The following GPC6 variants were observed in gnomAD, a reference collection of about 807,000 sequenced individuals.
GPC6 encodes glypican-6.
Under a neutral mutation model 55.2 loss-of-function variants are expected in GPC6, and 14 were observed. That is an observed-to-expected ratio of 0.25 (90% CI 0.17 to 0.40). The LOEUF (loss-of-function observed/expected upper bound fraction) is 0.40, where lower values mean the gene tolerates loss of function less well. Among genes scored for constraint, GPC6 ranks in the 10% least tolerant of loss-of-function variants. The probability of loss-of-function intolerance (pLI) is 1.00; values close to 1 mark genes in which losing one functional copy is unlikely to be tolerated. For missense variants in GPC6, 641 were observed against 708.5 expected (o/e 0.90, Z 1.08); for synonymous variants, 278 against 259.6 (o/e 1.07, Z -0.68).
At chr13:93,758,988 C>CT (rs1193802555) in intron 2 of GPC6, among the ~76,000 whole-genome samples, 6 of 152,084 alleles carry the variant, frequency 3.9e-5, no homozygotes, top group Non-Finnish European at 8.8e-5. Flanking sequence ...TTTCCGTTCT[C>CT]TTTTTGCATT....
At chr13:93,881,176 G>A (rs1007550522) in intron 3 of GPC6, among the ~76,000 whole-genome samples, 4 of 151,912 alleles carry the variant, frequency 2.6e-5, no homozygotes, top group African/African-American at 9.7e-5. Flanking sequence ...GCTGGTGTGG[G>A]GTGCACTGGT....
At chr13:93,362,236 G>C (rs1178404512) in intron 1 of GPC6, among the ~76,000 whole-genome samples, 1 of 152,168 alleles carries the variant, frequency 6.6e-6, no homozygotes, top group Non-Finnish European at 1.5e-5. Context: ...TCTCTGCCCA[G>C]TTCTTCCTGG....
intron 1 of GPC6, among the ~76,000 whole-genome samples, chr13:93,430,044 C>T (rs1877299309): frequency 6.6e-6 from 1 of 152,092 alleles, no homozygotes; most frequent in Non-Finnish European, 1.5e-5. Context: ...AGGGCAAAGG[C>T]TGCAGTCAAG....
chr13:93,484,791 C>T (rs1879640916), intron 1 of GPC6, among the ~76,000 whole-genome samples: 1 of 152,064 alleles, frequency 6.6e-6, no homozygotes, highest in Non-Finnish European at 1.5e-5. Flanking sequence ...TTTGTCAATT[C>T]TGTGTTAGCG....
At chr13:93,860,187 A>G (rs890122171) in intron 3 of GPC6, among the ~76,000 whole-genome samples, 1 of 151,632 alleles carries the variant, frequency 6.6e-6, no homozygotes, top group African/African-American at 2.4e-5. Context: ...TTCTTAAGCA[A>G]AAATTCACCT....
At chr13:93,766,832 T>C (rs1248018282) in intron 2 of GPC6, among the ~76,000 whole-genome samples, 1 of 152,198 alleles carries the variant, frequency 6.6e-6, no homozygotes, top group Non-Finnish European at 1.5e-5. Context: ...TATATTTAAC[T>C]ATCTCCTTAA....
At chr13:94,259,367 C>T (rs1007889791) in intron 4 of GPC6, among the ~76,000 whole-genome samples, 1 of 152,186 alleles carries the variant, frequency 6.6e-6, no homozygotes, top group Non-Finnish European at 1.5e-5. Context: ...GTTCCATTAA[C>T]ATGAAAGATG....
At chr13:93,743,167 A>G (rs767308184) in intron 2 of GPC6, among the ~76,000 whole-genome samples, 4 of 152,176 alleles carry the variant, frequency 2.6e-5, no homozygotes, top group Non-Finnish European at 4.4e-5. Flanking sequence ...GGTAGAGAGG[A>G]TATCTGTGCT....
intron 1 of GPC6, among the ~76,000 whole-genome samples, chr13:93,358,553 G>T (rs977402744): frequency 1.3e-5 from 2 of 152,118 alleles, no homozygotes; most frequent in African/African-American, 4.8e-5. Context: ...TTGAACCTAT[G>T]CAGCATGACT....
intron 3 of GPC6, among the ~76,000 whole-genome samples, chr13:94,017,519 G>T (rs149855669): frequency 3.3e-5 from 5 of 152,156 alleles, no homozygotes; most frequent in Non-Finnish European, 4.4e-5. Context: ...GAACAGTATG[G>T]GGAAAACCAT....
intron 4 of GPC6, among the ~76,000 whole-genome samples, chr13:94,066,766 C>T (rs933061852): frequency 1.3e-5 from 2 of 152,248 alleles, no homozygotes; most frequent in South Asian, 2.1e-4. Context: ...CATCCCTTTC[C>T]GCAAGGAACA....
chr13:93,841,316 G>A (rs1230044261), intron 3 of GPC6, among the ~76,000 whole-genome samples: 2 of 152,162 alleles, frequency 1.3e-5, no homozygotes, highest in Admixed American at 6.6e-5. Flanking sequence ...TTTTAAAAAT[G>A]AGATATTAGG....
intron 2 of GPC6, among the ~76,000 whole-genome samples, chr13:93,755,343 C>T (rs1884732521): frequency 6.6e-6 from 1 of 152,042 alleles, no homozygotes; most frequent in African/African-American, 2.4e-5. Flanking sequence ...CATGGTGGCC[C>T]CCACTGCAAA....
chr13:93,455,811 A>T (rs879775838), intron 1 of GPC6, among the ~76,000 whole-genome samples: 1 of 152,122 alleles, frequency 6.6e-6, no homozygotes, highest in African/African-American at 2.4e-5. Context: ...CGAGACCCCT[A>T]GTACTCTGTG....
intron 3 of GPC6, among the ~76,000 whole-genome samples, chr13:93,930,629 A>C (rs9561475): frequency 0.46 from 69,799 of 151,768 alleles, 16,572 homozygotes; most frequent in Non-Finnish European, 0.49. Context: ...TTACCAAAAA[A>C]ACCACTCTAG....
chr13:93,494,639 C>A (rs1008593579), intron 1 of GPC6, among the ~76,000 whole-genome samples: 171 of 152,192 alleles, frequency 1.1e-3, no homozygotes, highest in Non-Finnish European at 2.0e-3. Context: ...TACATTTTGG[C>A]ATGATTTTGC....
intron 2 of GPC6, among the ~76,000 whole-genome samples, chr13:93,744,159 CCT>C (rs1884304899): frequency 6.6e-6 from 1 of 152,090 alleles, no homozygotes; most frequent in Non-Finnish European, 1.5e-5. Context: ...GGTTGATTTT[CCT>C]CTCCCGGCGG....
intron 1 of GPC6, among the ~76,000 whole-genome samples, chr13:93,293,666 T>G (rs536674306): frequency 2.6e-5 from 4 of 152,376 alleles, no homozygotes; most frequent in Non-Finnish European, 5.9e-5. Context: ...GCACACTAAA[T>G]AGCACACTAT....
Position 93,412,002 on chromosome 13 carries a change from CA to C in GPC6, c.161-133249del, listed in dbSNP as rs58692924. Among the ~76,000 whole-genome samples, 2,780 of 138,068 alleles carry C rather than the reference CA, an allele frequency of 0.02. 222 individuals carry two copies. In the East Asian group the frequency reaches 0.28, roughly 14 times the overall value. The allele number at this position is 138,068 out of a possible 152,430, so 90.6% of individuals were successfully genotyped here. ...TGGGCAACAGAGAGGGACTATGTCT[CA>C]AAAAAAAAAAATAAATAAAATAAAA... On this transcript the variant is annotated intron_variant, in intron 1 of 8. Coordinates refer to ENST00000377047, the MANE Select transcript of GPC6 (RefSeq NM_005708.5).
Sources: allele counts gnomAD v4.1 joint callset (sites outside exome capture counted in the v4.1 genomes callset), GRCh38; gene constraint gnomAD v4.1.1; transcripts MANE v1.5; gene names NCBI Gene and HGNC (gene_info 2026-07-23, HGNC 2026-07-21).